Variants in TANGO6 observed in about 807,000 individuals in gnomAD.
TANGO6 encodes transport and Golgi organization protein 6 homolog.
A neutral mutation model predicts 114.2 loss-of-function variants in TANGO6; 90 were observed. The observed-to-expected ratio is 0.79, with a 90% CI of 0.66 to 0.94. TANGO6 has a LOEUF of 0.94. Ranked by LOEUF, TANGO6 falls within the 40% of genes least tolerant of loss-of-function variation. The probability of loss-of-function intolerance (pLI) is 0.00; values close to 1 mark genes in which losing one functional copy is unlikely to be tolerated. For missense variants in TANGO6, 1,274 were observed against 1,315.3 expected (o/e 0.97, Z 0.49); for synonymous variants, 477 against 509.8 (o/e 0.94, Z 0.87).
chr16:68,844,913 A>C (rs1961779425), intron 1 of TANGO6, among the ~76,000 whole-genome samples: 1 of 152,140 alleles, frequency 6.6e-6, no homozygotes, highest in African/African-American at 2.4e-5. Context: ...GTCAGACTGC[A>C]AAATAGAATT....
At chr16:68,908,793 G>T (rs1479553278) in intron 10 of TANGO6, among the ~76,000 whole-genome samples, 1 of 152,138 alleles carries the variant, frequency 6.6e-6, no homozygotes, top group African/African-American at 2.4e-5. Flanking sequence ...TTCAAGGAAG[G>T]CTACTAGTAG....
chr16:68,854,635 T>C (rs546163498), intron 1 of TANGO6, among the ~76,000 whole-genome samples: 1,669 of 149,304 alleles, frequency 0.011, 33 homozygotes, highest in African/African-American at 0.037. Context: ...TTTTTTTTTT[T>C]CCCCATGTGG....
rs778518832 is a variant in TANGO6 at position 68,974,208 on chromosome 16, G to A, written c.2842+40G>A. On this transcript the variant is annotated intron_variant, in intron 15 of 17. Transcript: ENST00000261778. ...TCCATCCACCTGGAAAAGGGTGGAG[G>A]ATCAGTGTGACTTTGAAACCAAAAT... 3 of 1,613,026 alleles carry A rather than the reference G, an allele frequency of 1.9e-6. No individual in the cohort carries two copies. In the South Asian group the frequency reaches 3.3e-5, roughly 18 times the overall value.
At chr16:69,078,869 C>T (rs1034834670) in intron 17 of TANGO6, among the ~76,000 whole-genome samples, 12 of 152,154 alleles carry the variant, frequency 7.9e-5, no homozygotes, top group African/African-American at 2.9e-4. Flanking sequence ...AGCCTCCTAT[C>T]TCAGCCTGGC....
intron 14 of TANGO6, among the ~76,000 whole-genome samples, chr16:68,946,921 C>T (rs1438701030): frequency 6.6e-6 from 1 of 152,166 alleles, no homozygotes; most frequent in Admixed American, 6.5e-5. Flanking sequence ...TTCACTCTTA[C>T]ATTTAGGTCT....
chr16:68,981,596 A>G (rs1963837686), intron 15 of TANGO6, among the ~76,000 whole-genome samples: 1 of 152,132 alleles, frequency 6.6e-6, no homozygotes, highest in Admixed American at 6.5e-5. Context: ...TGTGCCCAAG[A>G]TAATGAATTG....
intron 15 of TANGO6, among the ~76,000 whole-genome samples, chr16:68,991,973 A>G (rs753585138): frequency 5.3e-5 from 8 of 152,190 alleles, no homozygotes; most frequent in Non-Finnish European, 7.3e-5. Flanking sequence ...TAGGCAATTC[A>G]GAGGAATAAA....
intron 15 of TANGO6, among the ~76,000 whole-genome samples, chr16:69,017,901 CT>C (rs1018228039): frequency 0.012 from 1,681 of 137,136 alleles, 6 homozygotes; most frequent in Middle Eastern, 0.081. Context: ...AGTTGGAAAT[CT>C]TTTTTTTTTT....
At chr16:68,986,198 A>G (rs936982204) in intron 15 of TANGO6, among the ~76,000 whole-genome samples, 2 of 152,230 alleles carry the variant, frequency 1.3e-5, no homozygotes, top group Non-Finnish European at 2.9e-5. Flanking sequence ...TAAAAGTCAG[A>G]ACAAAAATAG....
intron 16 of TANGO6, chr16:69,026,281 A>C (rs1365129649): frequency 6.6e-6 from 1 of 152,264 alleles, no homozygotes; most frequent in Non-Finnish European, 1.5e-5. Flanking sequence ...GATTACAGGC[A>C]TGAGCCACCA....
intron 11 of TANGO6, among the ~76,000 whole-genome samples, chr16:68,915,756 C>T (rs80222427): frequency 6.6e-6 from 1 of 152,126 alleles, no homozygotes; most frequent in Admixed American, 6.6e-5. Flanking sequence ...TTTTAATAAC[C>T]TTTCTAGTTT....
At chr16:68,914,417 C>G (rs1208589066) in intron 11 of TANGO6, among the ~76,000 whole-genome samples, 2 of 152,164 alleles carry the variant, frequency 1.3e-5, no homozygotes, top group East Asian at 3.9e-4. Context: ...CTGCCTTGGC[C>G]TCCCAAAGTG....
chr16:69,084,349 A>G lies in TANGO6; in HGVS notation c.*688A>G, dbSNP rs897750487. ...GGGTAAGCCCTGTATTTATCCTCCC[A>G]GGCCATTCTTCTTCACTCCTGCTGC... On this transcript the variant is annotated 3_prime_UTR_variant, in exon 18 of 18. Transcript: ENST00000261778. 2 of 152,330 alleles carry G rather than the reference A, an allele frequency of 1.3e-5. No homozygotes were observed. The highest frequency in any genetic ancestry group is 4.8e-5 in the African/African-American group (2 of 41,454). The allele number at this position is 152,330 out of a possible 1,614,324, so 9.4% of individuals were successfully genotyped here. A position where few individuals can be genotyped will look rare whatever the true frequency, so the allele number is the denominator to read the frequency against.
At chr16:69,022,560 C>T (rs1308137946) in intron 15 of TANGO6, among the ~76,000 whole-genome samples, 3 of 151,920 alleles carry the variant, frequency 2.0e-5, no homozygotes, top group Non-Finnish European at 4.4e-5. Context: ...AAAAATTAGC[C>T]GGGCATGGTG....
intron 17 of TANGO6, among the ~76,000 whole-genome samples, chr16:69,067,168 A>G (rs1232532222): frequency 6.6e-6 from 1 of 152,166 alleles, no homozygotes; most frequent in Non-Finnish European, 1.5e-5. Context: ...AAGTGCCGGG[A>G]TCATAGGTAT....
chr16:68,920,949 T>TA (rs1489958015), intron 12 of TANGO6, among the ~76,000 whole-genome samples: 6 of 150,942 alleles, frequency 4.0e-5, no homozygotes, highest in Non-Finnish European at 8.8e-5. Context: ...CCGTCTCTAC[T>TA]AAAAATACAA....
intron 7 of TANGO6, among the ~76,000 whole-genome samples, chr16:68,881,486 C>T (rs1962461843): frequency 1.3e-5 from 2 of 152,092 alleles, no homozygotes; most frequent in African/African-American, 4.8e-5. Context: ...TGCACTCCAG[C>T]CTGGGGGATA....
At chr16:68,925,596 G>A (rs1217865587) in intron 12 of TANGO6, among the ~76,000 whole-genome samples, 1 of 152,080 alleles carries the variant, frequency 6.6e-6, no homozygotes, top group Non-Finnish European at 1.5e-5. Flanking sequence ...CTTTTGCAGA[G>A]CAGACATTCT....
chr16:68,911,480 G>C (rs752182398), intron 11 of TANGO6, among the ~76,000 whole-genome samples: 72 of 147,138 alleles, frequency 4.9e-4, no homozygotes, highest in Non-Finnish European at 8.1e-4. Context: ...GCAGTGGTGC[G>C]ATCTCGGCTC....
Sources: gnomAD v4.1 joint callset for allele counts (sites outside exome capture counted in the v4.1 genomes callset) on GRCh38, gnomAD v4.1.1 for gene constraint, MANE v1.5 for transcripts, NCBI Gene and HGNC (gene_info 2026-07-23, HGNC 2026-07-21) for gene names.